The following TBC1D22A variants were observed in gnomAD, a reference collection of about 807,000 sequenced individuals.
TBC1D22A encodes TBC1 domain family member 22A.
Under a neutral mutation model 60.2 loss-of-function variants are expected in TBC1D22A, and 38 were observed. That is an observed-to-expected ratio of 0.63 (90% CI 0.49 to 0.83). TBC1D22A has a LOEUF of 0.83. Ranked by LOEUF, TBC1D22A falls within the 40% of genes least tolerant of loss-of-function variation. The pLI, the probability that TBC1D22A is intolerant of heterozygous loss-of-function variation, is 0.00. For synonymous variants in TBC1D22A, 302 were observed against 281.7 expected (o/e 1.07, Z -0.72); for missense variants, 628 against 701.0 (o/e 0.90, Z 1.18).
At chr22:46,809,000 A>T (rs1185005052) in intron 4 of TBC1D22A, among the ~76,000 whole-genome samples, 1 of 152,238 alleles carries the variant, frequency 6.6e-6, no homozygotes, top group Non-Finnish European at 1.5e-5. Context: ...TTTGCTTAAA[A>T]TCCTAATGTA....
intron 10 of TBC1D22A, among the ~76,000 whole-genome samples, chr22:47,014,711 A>G (rs2061854936): frequency 7.0e-6 from 1 of 143,416 alleles, no homozygotes; most frequent in Non-Finnish European, 1.5e-5. Flanking sequence ...TGGAGTCAGG[A>G]TTGGAGCTTG....
intron 4 of TBC1D22A, among the ~76,000 whole-genome samples, chr22:46,861,193 A>G (rs2087863695): frequency 6.6e-6 from 1 of 152,130 alleles, no homozygotes; most frequent in Non-Finnish European, 1.5e-5. Flanking sequence ...CCTGGGGTCA[A>G]GTGATCCACC....
intron 8 of TBC1D22A, among the ~76,000 whole-genome samples, chr22:46,932,974 T>C (rs1416475341): frequency 6.6e-6 from 1 of 152,118 alleles, no homozygotes; most frequent in Non-Finnish European, 1.5e-5. Flanking sequence ...CCGCCTGCCT[T>C]GGCCTCCCAA....
chr22:46,807,723 C>T (rs1319633458), intron 4 of TBC1D22A, among the ~76,000 whole-genome samples: 4 of 152,202 alleles, frequency 2.6e-5, no homozygotes, highest in African/African-American at 7.2e-5. Flanking sequence ...CAGCCAGTAG[C>T]AACAATCACT....
chr22:47,093,776 A>C (rs938389930), intron 11 of TBC1D22A, among the ~76,000 whole-genome samples: 1 of 152,148 alleles, frequency 6.6e-6, no homozygotes. Flanking sequence ...CCATTGCCAG[A>C]TATTTGGTCA....
At position 47,135,025 on chromosome 22, in the gene TBC1D22A, G is replaced by A. The variant is rs536144656; in HGVS notation, c.1425+23422G>A. The stretch of plus-strand genomic sequence containing the variant: ...CCCTCAGGCCTCAGCCAGCCTCATC[G>A]GGACCCCTCTTGCACCTGTGGCCAG... On this transcript the variant is annotated intron_variant, in intron 12 of 12. Coordinates refer to ENST00000337137, the MANE Select transcript of TBC1D22A (RefSeq NM_014346.5). Among the ~76,000 whole-genome samples, 7 of 152,332 alleles carry A rather than the reference G, an allele frequency of 4.6e-5. No individual in the cohort carries two copies. In the East Asian group the frequency reaches 5.8e-4, roughly 13 times the overall value.
intron 12 of TBC1D22A, among the ~76,000 whole-genome samples, chr22:47,161,900 GCGCT>G (rs1188047141): frequency 6.6e-6 from 1 of 152,240 alleles, no homozygotes; most frequent in Non-Finnish European, 1.5e-5. Flanking sequence ...TGAGCTGCCG[GCGCT>G]CTTGCATTTT....
At chr22:46,762,969 C>T (rs906518484) in intron 1 of TBC1D22A, 121 bp downstream of exon 1, 7 of 911,976 alleles carry the variant, frequency 7.7e-6, no homozygotes, top group Non-Finnish European at 1.1e-5. Context: ...TCTGAGGAGA[C>T]TGCTGGATGG....
intron 11 of TBC1D22A, among the ~76,000 whole-genome samples, chr22:47,051,981 T>C (rs190218570): frequency 6.6e-6 from 1 of 152,316 alleles, no homozygotes; most frequent in East Asian, 1.9e-4. Flanking sequence ...TTTCTCGGCC[T>C]CTGGGGAATC....
chr22:47,149,819 C>T (rs1004226088), intron 12 of TBC1D22A, among the ~76,000 whole-genome samples: 1 of 152,174 alleles, frequency 6.6e-6, no homozygotes, highest in African/African-American at 2.4e-5. Context: ...GTGTCTTACT[C>T]GTTGTGGACT....
At chr22:46,973,716 T>C (rs948085673) in intron 8 of TBC1D22A, among the ~76,000 whole-genome samples, 2 of 152,262 alleles carry the variant, frequency 1.3e-5, no homozygotes, top group African/African-American at 4.8e-5. Context: ...TAAAAACTTT[T>C]AGATTGTGTT....
At chr22:46,934,976 A>C (rs1235537260) in intron 8 of TBC1D22A, among the ~76,000 whole-genome samples, 1 of 152,092 alleles carries the variant, frequency 6.6e-6, no homozygotes, top group East Asian at 1.9e-4. Flanking sequence ...GTTTGATATC[A>C]TGGTTAGAGG....
chr22:47,127,303 C>A (rs529388353), intron 12 of TBC1D22A, among the ~76,000 whole-genome samples: 1 of 147,826 alleles, frequency 6.8e-6, no homozygotes, highest in African/African-American at 2.5e-5. Context: ...TCTTGGCTCA[C>A]TGCAACCTCC....
intron 10 of TBC1D22A, among the ~76,000 whole-genome samples, chr22:47,020,494 C>T (rs2062049522): frequency 7.0e-6 from 1 of 142,848 alleles, no homozygotes; most frequent in Non-Finnish European, 1.5e-5. Context: ...TTCTCTGTTT[C>T]CTTCTCCATT....
chr22:47,135,775 G>A (rs1176540683), intron 12 of TBC1D22A, among the ~76,000 whole-genome samples: 1 of 152,272 alleles, frequency 6.6e-6, no homozygotes, highest in Non-Finnish European at 1.5e-5. Context: ...GGCAGGGCGT[G>A]TGCGGAGAGT....
chr22:46,975,030 C>T (rs2074240733), intron 9 of TBC1D22A, among the ~76,000 whole-genome samples: 1 of 152,182 alleles, frequency 6.6e-6, no homozygotes. Flanking sequence ...GATTCCCACA[C>T]AGTACCTGGG....
At chr22:47,130,880 G>C (rs2066656100) in intron 12 of TBC1D22A, among the ~76,000 whole-genome samples, 1 of 152,192 alleles carries the variant, frequency 6.6e-6, no homozygotes, top group Non-Finnish European at 1.5e-5. Context: ...CCCTGGCCTG[G>C]GTAATTTATA....
chr22:47,076,602 CTA>C (rs548084376), intron 11 of TBC1D22A, among the ~76,000 whole-genome samples: 113 of 152,000 alleles, frequency 7.4e-4, no homozygotes, highest in African/African-American at 2.7e-3. Flanking sequence ...GCCAGGGAAA[CTA>C]TGTGAGGACT....
At chr22:47,036,983 G>T in intron 10 of TBC1D22A, 88 bp from the exon 11 acceptor site, 11 of 1,551,500 alleles carry the variant, frequency 7.1e-6, no homozygotes, top group Non-Finnish European at 8.8e-6. Flanking sequence ...TGAGGCGGGC[G>T]CAGGCCCTTG....
Sources: allele counts gnomAD v4.1 joint callset (sites outside exome capture counted in the v4.1 genomes callset), GRCh38; gene constraint gnomAD v4.1.1; transcripts MANE v1.5; gene names NCBI Gene and HGNC (gene_info 2026-07-23, HGNC 2026-07-21).